Variants in TNR observed in about 807,000 individuals in gnomAD.
TNR encodes the protein tenascin-R.
In TNR, 45 loss-of-function variants were observed where a neutral mutation model predicts 150.4. That is an observed-to-expected ratio of 0.30 (90% CI 0.24 to 0.38). TNR has a LOEUF of 0.38. TNR is among the 10% of genes least tolerant of loss of function. The pLI is 1.00. For missense variants in TNR, 1,544 were observed against 1,759.1 expected (o/e 0.88, Z 2.19); for synonymous variants, 687 against 678.4 (o/e 1.01, Z -0.20).
At chr1:175,390,772 A>G (rs1483135949) in intron 7 of TNR, among the ~76,000 whole-genome samples, 3 of 152,202 alleles carry the variant, frequency 2.0e-5, no homozygotes, top group Admixed American at 6.5e-5. Flanking sequence ...AGTATTGAGC[A>G]CTCACTCTCA....
At chr1:175,554,339 C>CAAA (rs5778860) in intron 1 of TNR, among the ~76,000 whole-genome samples, 1 of 115,128 alleles carries the variant, frequency 8.7e-6, no homozygotes. Context: ...TCCTACATGG[C>CAAA]AAAAAAAAAA....
At chr1:175,717,019 T>C (rs1414330513) in intron 1 of TNR, among the ~76,000 whole-genome samples, 1 of 152,204 alleles carries the variant, frequency 6.6e-6, no homozygotes, top group Non-Finnish European at 1.5e-5. Context: ...CACTTACTTA[T>C]ACATTAGCCA....
intron 1 of TNR, among the ~76,000 whole-genome samples, chr1:175,653,139 T>A (rs1339344487): frequency 4.6e-5 from 7 of 152,206 alleles, no homozygotes; most frequent in Admixed American, 3.9e-4. Context: ...AGTTTTCTTA[T>A]AACCACTGGG....
chr1:175,718,543 C>T (rs1409374617), intron 1 of TNR, among the ~76,000 whole-genome samples: 2 of 152,200 alleles, frequency 1.3e-5, no homozygotes, highest in Non-Finnish European at 2.9e-5. Flanking sequence ...GTTTGTCAGG[C>T]CTAGGCAGTT....
chr1:175,677,509 A>T (rs1665898405), intron 1 of TNR, among the ~76,000 whole-genome samples: 1 of 152,222 alleles, frequency 6.6e-6, no homozygotes, highest in Admixed American at 6.5e-5. Flanking sequence ...AGGGCTGGGC[A>T]CCAAAGCAGA....
intron 1 of TNR, among the ~76,000 whole-genome samples, chr1:175,622,643 T>C (rs938764472): frequency 6.6e-6 from 1 of 152,212 alleles, no homozygotes; most frequent in African/African-American, 2.4e-5. Context: ...TCTAGACTGC[T>C]TTAGATGCCT....
chr1:175,424,798 G>A (rs1557925554), intron 2 of TNR, among the ~76,000 whole-genome samples: 1 of 152,248 alleles, frequency 6.6e-6, no homozygotes, highest in Admixed American at 6.5e-5. Flanking sequence ...CTTCAAAGTG[G>A]GCTGGAACGG....
At position 175,379,585 on chromosome 1, in the gene TNR, C is replaced by T; in HGVS notation, c.1930G>A (p.Gly644Ser). 6.2e-7 allele frequency: 1 copy of T among 1,613,842 alleles called. No homozygotes were observed. The highest frequency in any genetic ancestry group is 8.5e-7 in the Non-Finnish European group (1 of 1,179,988). ...GTGGCCCTGGTGGTTGGACCAATGC[C>T]CCTGGGGACCAGTACCTCATGATAT... ...EQYHEVLVPR[G>S]IGPTTRATLT... The change falls in exon 9 of 23, where the codon GGC becomes AGC. Residue 644 changes from glycine (G) to serine (S), a missense_variant. Physicochemically the swap from Gly to Ser is moderately conservative, Grantham distance 56. Coordinates refer to ENST00000367674, the MANE Select transcript of TNR (RefSeq NM_003285.3).
chr1:175,361,536 A>T (rs1167398804), intron 14 of TNR, among the ~76,000 whole-genome samples: 1 of 152,216 alleles, frequency 6.6e-6, no homozygotes, highest in East Asian at 1.9e-4. Context: ...CTTTAGAAGA[A>T]TAATTTTTGT....
intron 2 of TNR, among the ~76,000 whole-genome samples, chr1:175,412,163 A>T: frequency 6.6e-6 from 1 of 152,154 alleles, no homozygotes. Flanking sequence ...GATTGCAGTT[A>T]ATGGGCAGAT....
In TNR at chr1:175,363,724, T is replaced by A. The variant is rs776189350; in HGVS notation, c.2691A>T (p.Ser897=). 1 of 1,613,696 alleles carries A rather than the reference T, an allele frequency of 6.2e-7. No homozygotes were observed. Among genetic ancestry groups the A allele is most frequent in the Middle Eastern group, 1.7e-4 (1 of 6,056 alleles). Residue 897 remains serine, a synonymous_variant, in exon 13 of 23, where the codon TCA becomes TCT. Transcript: ENST00000367674. ...PVASFDYYRV[S]YRPTQVGRLD... ...CTTTGTTACCTTGGGTGGGTCGATA[T>A]GATACTCGGTAGTAATCGAAAGATG... is the stretch of plus-strand genomic sequence containing the variant.
chr1:175,721,446 G>A (rs902430620), intron 1 of TNR, among the ~76,000 whole-genome samples: 8 of 152,108 alleles, frequency 5.3e-5, no homozygotes, highest in African/African-American at 1.2e-4. Context: ...GGCAGTAAAC[G>A]TGTACTGGCT....
At chr1:175,569,935 C>G (rs1661795473) in intron 1 of TNR, among the ~76,000 whole-genome samples, 1 of 152,316 alleles carries the variant, frequency 6.6e-6, no homozygotes, top group East Asian at 1.9e-4. Context: ...TTCCAGTCTA[C>G]CCCTCAGGCT....
intron 1 of TNR, among the ~76,000 whole-genome samples, chr1:175,533,539 G>T (rs1169436484): frequency 6.6e-6 from 1 of 152,232 alleles, no homozygotes; most frequent in Admixed American, 6.5e-5. Flanking sequence ...AGGAAGATTT[G>T]CTGAGGCTTA....
At chr1:175,445,183 T>C (rs1271391740) in intron 2 of TNR, among the ~76,000 whole-genome samples, 1 of 152,020 alleles carries the variant, frequency 6.6e-6, no homozygotes, top group African/African-American at 2.4e-5. Flanking sequence ...GGCAGGAGAA[T>C]AGAGTGAACC....
chr1:175,442,596 T>TG lies in TNR; in HGVS notation c.-63-35820_-63-35819insC, dbSNP rs1655843436. ...TGACTAGAGGTGTTGTCTGTTGAGA[T>TG]AGATGCACACAGAGCAACCAGAGAG... On this transcript the variant is annotated intron_variant, in intron 2 of 22. Transcript: ENST00000367674. 2.0e-5 allele frequency among the ~76,000 whole-genome samples: 3 copies of TG among 151,758 alleles called. No individual in the cohort carries two copies. The South Asian group carries it at 6.2e-4, about 31-fold the overall frequency.
chr1:175,508,218 C>T (rs1659034396), intron 2 of TNR, among the ~76,000 whole-genome samples: 1 of 152,148 alleles, frequency 6.6e-6, no homozygotes, highest in Admixed American at 6.5e-5. Flanking sequence ...ATGGCACATT[C>T]ATATCTATGT....
At chr1:175,384,432 C>T (rs570469085) in intron 8 of TNR, among the ~76,000 whole-genome samples, 2 of 152,370 alleles carry the variant, frequency 1.3e-5, no homozygotes, top group East Asian at 3.9e-4. Context: ...ACTGGGCACC[C>T]CCTGGGTGAC....
At chr1:175,562,341 A>G (rs147322975) in intron 1 of TNR, among the ~76,000 whole-genome samples, 112 of 152,292 alleles carry the variant, frequency 7.4e-4, no homozygotes, top group African/African-American at 2.6e-3. Flanking sequence ...ACTCAGACAC[A>G]TTTATATGCC....
Sources: allele counts gnomAD v4.1 joint callset (sites outside exome capture counted in the v4.1 genomes callset), GRCh38; gene constraint gnomAD v4.1.1; transcripts MANE v1.5; gene names NCBI Gene and HGNC (gene_info 2026-07-23, HGNC 2026-07-21).